The following NDUFA10 variants were observed in gnomAD, a reference collection of about 807,000 sequenced individuals.
NDUFA10 encodes the protein NADH dehydrogenase [ubiquinone] 1 alpha subcomplex subunit 10, mitochondrial.
Under a neutral mutation model 47.8 loss-of-function variants are expected in NDUFA10, and 40 were observed. The ratio of observed to expected loss-of-function variants is 0.84; its 90% CI spans 0.65 to 1.09. The LOEUF (loss-of-function observed/expected upper bound fraction) is 1.09. Ranked by LOEUF, NDUFA10 falls within the 50% of genes least tolerant of loss-of-function variation. The pLI is 0.00. For missense variants in NDUFA10, 413 were observed against 451.1 expected (o/e 0.92, Z 0.76); for synonymous variants, 183 against 172.2 (o/e 1.06, Z -0.49).
Position 240,012,024 on chromosome 2 carries a change from A to T in NDUFA10, c.670-328T>A, listed in dbSNP as rs1697164494. 8.5e-6 allele frequency: 3 copies of T among 353,670 alleles called. No homozygotes were observed. In the Admixed American group the frequency reaches 1.2e-4, roughly 14 times the overall value. The allele number at this position is 353,670 out of a possible 1,614,324, so 21.9% of individuals were successfully genotyped here. A position where few individuals can be genotyped will look rare whatever the true frequency, so the allele number is the denominator to read the frequency against. On this transcript the variant is annotated intron_variant, in intron 5 of 9. Coordinates refer to ENST00000252711, the MANE Select transcript of NDUFA10 (RefSeq NM_004544.4). ...TGTCTGCCTCGTGCCTGAGTGCAGGAATGAAAGAGCACCAAAAATTGGGGG... is the reference window on the plus strand; with the variant it reads ...TGTCTGCCTCGTGCCTGAGTGCAGGTATGAAAGAGCACCAAAAATTGGGGG...
chr2:240,020,916 C>G (rs1279619620), intron 3 of NDUFA10, among the ~76,000 whole-genome samples: 1 of 152,186 alleles, frequency 6.6e-6, no homozygotes, highest in Non-Finnish European at 1.5e-5. Flanking sequence ...TGACACATTT[C>G]ATATATAAAT....
Position 239,961,017 on chromosome 2 carries a change from A to T in NDUFA10, c.*101T>A. 6.3e-7 allele frequency: 1 copy of T among 1,576,548 alleles called. No homozygotes were observed. Among genetic ancestry groups the T allele is most frequent in the South Asian group, 1.2e-5 (1 of 86,432 alleles). ...TCTTCCACTGTGCAATTTTTGCATTATTTACCCTCCCCCGATCTTAAAGCT... is the reference window on the plus strand; with the variant it reads ...TCTTCCACTGTGCAATTTTTGCATTTTTTACCCTCCCCCGATCTTAAAGCT... On this transcript the variant is annotated 3_prime_UTR_variant, in exon 10 of 10. Coordinates refer to ENST00000252711, the MANE Select transcript of NDUFA10 (RefSeq NM_004544.4).
downstream of NDUFA10, among the ~76,000 whole-genome samples, chr2:239,952,865 G>A (rs1159690716): frequency 6.6e-6 from 1 of 152,240 alleles, no homozygotes; most frequent in Non-Finnish European, 1.5e-5. Context: ...CACAGCTGCC[G>A]ACGCCAGCCC....
At chr2:239,894,649 G>A (rs915034758) in intron 5 of NDUFA10, among the ~76,000 whole-genome samples, 2 of 151,836 alleles carry the variant, frequency 1.3e-5, no homozygotes, top group Non-Finnish European at 2.9e-5. Flanking sequence ...CAGTCCCCAC[G>A]CCAGCTTCTA....
At chr2:239,914,948 T>C (rs1444335063) in intron 4 of NDUFA10, among the ~76,000 whole-genome samples, 1 of 137,996 alleles carries the variant, frequency 7.2e-6, no homozygotes, top group Non-Finnish European at 1.5e-5. Flanking sequence ...GACACAGAGA[T>C]ATATAAACAT....
chr2:239,972,254 A>G (rs1695333688), intron 9 of NDUFA10, among the ~76,000 whole-genome samples: 4 of 152,038 alleles, frequency 2.6e-5, no homozygotes, highest in Admixed American at 2.0e-4. Context: ...CAAACCCTTT[A>G]TTGTATTACT....
At chr2:239,949,018 C>T (rs1694504248) in intron 4 of NDUFA10, among the ~76,000 whole-genome samples, 2 of 152,262 alleles carry the variant, frequency 1.3e-5, no homozygotes, top group Admixed American at 6.5e-5. Context: ...GCCCCCAACC[C>T]CAAGCTTCCT....
At chr2:239,905,314 G>A (rs1362697131) in intron 4 of NDUFA10, among the ~76,000 whole-genome samples, 2 of 152,244 alleles carry the variant, frequency 1.3e-5, no homozygotes, top group Non-Finnish European at 2.9e-5. Flanking sequence ...AGGAGGGGCA[G>A]TGCTTCCAGT....
At chr2:239,968,379 T>C (rs1289876605) in intron 9 of NDUFA10, among the ~76,000 whole-genome samples, 4 of 152,144 alleles carry the variant, frequency 2.6e-5, no homozygotes, top group Admixed American at 6.5e-5. Flanking sequence ...CATGGAAAAA[T>C]GCCCCCTCCC....
At chr2:239,983,227 T>C (rs1695855276) in intron 9 of NDUFA10, among the ~76,000 whole-genome samples, 1 of 152,066 alleles carries the variant, frequency 6.6e-6, no homozygotes, top group South Asian at 2.1e-4. Context: ...CTGCAACCCA[T>C]GCAGAGAGCC....
chr2:240,001,138 T>A (rs1228398688), intron 8 of NDUFA10, among the ~76,000 whole-genome samples: 2 of 152,154 alleles, frequency 1.3e-5, no homozygotes, highest in African/African-American at 4.8e-5. Context: ...AAAATATGAA[T>A]AGCATCTTCA....
chr2:239,945,038 C>T lies in NDUFA10; in HGVS notation c.294+45036G>A, dbSNP rs189288842. 2.6e-5 allele frequency among the ~76,000 whole-genome samples: 4 copies of T among 152,150 alleles called. No individual in the cohort carries two copies. The highest frequency in any genetic ancestry group is 6.5e-5 in the Admixed American group (1 of 15,292). On this transcript the variant is annotated intron_variant, in intron 4 of 5. Transcript: ENST00000419408. The surrounding 1 kb of genome is among the most constrained non-coding windows in gnomAD (Gnocchi z 4.6). ...CTGCTTCTTTATTGCAAGGTGCCTC[C>T]CCGAGACAGAATTCCATGGTTTTGG...
intron 4 of NDUFA10, among the ~76,000 whole-genome samples, chr2:240,015,929 C>T (rs531274643): frequency 1.2e-4 from 18 of 152,254 alleles, no homozygotes; most frequent in South Asian, 1.0e-3. Flanking sequence ...CCGAGGTGGG[C>T]GCAGATCACT....
At chr2:239,937,873 T>C (rs543402929) in intron 4 of NDUFA10, among the ~76,000 whole-genome samples, 1 of 152,204 alleles carries the variant, frequency 6.6e-6, no homozygotes, top group Admixed American at 6.5e-5. Context: ...AGCCCGACTT[T>C]AATTGTAACA....
intron 3 of NDUFA10, among the ~76,000 whole-genome samples, chr2:240,020,816 C>T (rs1697589077): frequency 6.6e-6 from 1 of 152,224 alleles, no homozygotes; most frequent in Non-Finnish European, 1.5e-5. Context: ...TTGGCATCCA[C>T]ATCTCTGTCT....
chr2:239,965,055 T>C (rs186779677), intron 9 of NDUFA10, among the ~76,000 whole-genome samples: 1 of 152,296 alleles, frequency 6.6e-6, no homozygotes, highest in South Asian at 2.1e-4. Context: ...ACAGCAGTAC[T>C]GACAGAGGAA....
chr2:239,947,722 T>C (rs1049838127), intron 4 of NDUFA10, among the ~76,000 whole-genome samples: 1 of 152,126 alleles, frequency 6.6e-6, no homozygotes, highest in African/African-American at 2.4e-5. Flanking sequence ...CCTCAAAGAC[T>C]ATGCAACAGG....
chr2:239,975,556 G>A (rs1695484703), intron 9 of NDUFA10, among the ~76,000 whole-genome samples: 1 of 152,192 alleles, frequency 6.6e-6, no homozygotes, highest in South Asian at 2.1e-4. Flanking sequence ...TTGCAAATGG[G>A]AATAAGAATA....
At chr2:239,969,401 G>A in intron 9 of NDUFA10, 1 of 248,728 alleles carries the variant, frequency 4.0e-6, no homozygotes, top group Non-Finnish European at 8.2e-6. Context: ...ACTGCAGGGA[G>A]GAAAGTGTGC....
Sources: gnomAD v4.1 joint callset for allele counts (sites outside exome capture counted in the v4.1 genomes callset) on GRCh38, gnomAD v4.1.1 for gene constraint, Gnocchi (gnomAD v3.1) non-coding constraint, MANE v1.5 for transcripts, NCBI Gene and HGNC (gene_info 2026-07-23, HGNC 2026-07-21) for gene names.